SLC4A7: variants seen among roughly 807,000 people sequenced by gnomAD.
SLC4A7 encodes the protein sodium bicarbonate cotransporter 3.
SLC4A7 carries 51 observed loss-of-function variants against 137.6 expected under a neutral mutation model. That is an observed-to-expected ratio of 0.37 (90% CI 0.30 to 0.47). The LOEUF is 0.47. Ranked by LOEUF, SLC4A7 falls within the 20% of genes least tolerant of loss-of-function variation. The pLI, the probability that SLC4A7 is intolerant of heterozygous loss-of-function variation, is 1.00. For synonymous variants in SLC4A7, 542 were observed against 518.6 expected (o/e 1.05, Z -0.61); for missense variants, 1,247 against 1,525.4 (o/e 0.82, Z 3.04).
chr3:27,377,267 C>T (rs763160930), intron 25 of SLC4A7, among the ~76,000 whole-genome samples: 18 of 152,138 alleles, frequency 1.2e-4, no homozygotes, highest in Admixed American at 4.6e-4. Context: ...ATTTATAAAA[C>T]TTCTCACCCC....
At chr3:27,423,182 T>C (rs1457165362) in intron 8 of SLC4A7, among the ~76,000 whole-genome samples, 1 of 152,158 alleles carries the variant, frequency 6.6e-6, no homozygotes. Context: ...CCATTTAAAC[T>C]CCTTTTCTGT....
chr3:27,430,386 G>T (rs1012734148), intron 7 of SLC4A7, among the ~76,000 whole-genome samples: 2 of 151,812 alleles, frequency 1.3e-5, no homozygotes, highest in African/African-American at 4.8e-5. Context: ...ACTCTGGTAG[G>T]CCAAGGTGGG....
chr3:27,435,204 A>C (rs1005014512), intron 5 of SLC4A7, among the ~76,000 whole-genome samples: 2 of 152,202 alleles, frequency 1.3e-5, no homozygotes, highest in African/African-American at 4.8e-5. Flanking sequence ...GCAATCTACA[A>C]TGGTAGTCCC....
intron 12 of SLC4A7, among the ~76,000 whole-genome samples, chr3:27,411,001 C>G (rs2053849148): frequency 6.6e-6 from 1 of 152,006 alleles, no homozygotes; most frequent in Non-Finnish European, 1.5e-5. Context: ...CCATACTGAC[C>G]ACCAGTGGAC....
chr3:27,452,371 G>A (rs2058131834), intron 2 of SLC4A7, 46 bp downstream of exon 2: 3 of 1,230,748 alleles, frequency 2.4e-6, no homozygotes, highest in Admixed American at 2.3e-5. Context: ...ACATTAATTA[G>A]TAAATTATCC....
rs575692727 is a variant in SLC4A7 at position 27,379,536 on chromosome 3, GTAAGAT to G, written c.3591-186_3591-181del. The stretch of plus-strand genomic sequence containing the variant: ...TCTTTCTTTCTAATCGAAACTAGGA[GTAAGAT>G]TAAGATTAAGTAAGTTAGCAAGATT... On this transcript the variant is annotated intron_variant, in intron 24 of 25. Coordinates refer to ENST00000454389, the MANE Select transcript of SLC4A7 (RefSeq NM_001321103.2). Among the ~76,000 whole-genome samples the G allele has an allele frequency of 1.8e-3, 275 of 152,300 alleles. 4 individuals are homozygous for G. The South Asian group carries it at 0.019, about 10-fold the overall frequency.
chr3:27,423,820 G>C (rs1027601352), intron 8 of SLC4A7: 45 of 449,168 alleles, frequency 1.0e-4, no homozygotes, highest in African/African-American at 8.2e-4. Flanking sequence ...TCTAACACTA[G>C]TAATGGTGTA....
intron 8 of SLC4A7, chr3:27,422,798 C>T (rs936077399): frequency 1.5e-5 from 7 of 455,952 alleles, no homozygotes; most frequent in Non-Finnish European, 3.1e-5. Flanking sequence ...CTCTTGAGTC[C>T]CACACCCAGT....
chr3:27,372,935 T>A lies in SLC4A7; in HGVS notation c.*3829A>T, dbSNP rs2049656467. On this transcript the variant is annotated 3_prime_UTR_variant, in exon 26 of 26. Transcript: ENST00000454389. ...ATAGAAGAAAATATCATTGTAATTA[T>A]AAAAGCCATAAAAATTGGAACTGTA... 1 of 152,538 alleles carries A rather than the reference T, an allele frequency of 6.6e-6. No homozygotes were observed. The highest frequency in any genetic ancestry group is 2.4e-5 in the African/African-American group (1 of 41,432). 9.4% of individuals were successfully genotyped at this position (152,538 alleles called of 1,614,324 possible). A position where few individuals can be genotyped will look rare whatever the true frequency, so the allele number is the denominator to read the frequency against.
rs2049750487 is a variant in SLC4A7 at position 27,374,210 on chromosome 3, C to G, written c.*2554G>C. The G allele has an allele frequency of 1.3e-5, 2 of 152,390 alleles. No individual in the cohort carries two copies. The highest frequency in any genetic ancestry group is 2.1e-4 in the South Asian group (1 of 4,818). 9.4% of individuals were successfully genotyped at this position (152,390 alleles called of 1,614,324 possible). A position where few individuals can be genotyped will look rare whatever the true frequency, so the allele number is the denominator to read the frequency against. Reference sequence around the variant, plus strand: ...AAACTAGGGTGGAGAAAAGAATATCCTGAGGTGGCTCTGTGGCCAGGGTAT... The same window carrying G: ...AAACTAGGGTGGAGAAAAGAATATCGTGAGGTGGCTCTGTGGCCAGGGTAT... On this transcript the variant is annotated 3_prime_UTR_variant, in exon 26 of 26. Coordinates refer to ENST00000454389, the MANE Select transcript of SLC4A7 (RefSeq NM_001321103.2).
intron 15 of SLC4A7, among the ~76,000 whole-genome samples, chr3:27,402,684 G>C (rs2052897322): frequency 1.5e-5 from 2 of 130,824 alleles, no homozygotes; most frequent in Admixed American, 8.3e-5. Flanking sequence ...GGGCAACAGA[G>C]AGAGACTCCG....
intron 1 of SLC4A7, among the ~76,000 whole-genome samples, chr3:27,467,648 T>C (rs942100093): frequency 6.6e-6 from 1 of 152,198 alleles, no homozygotes; most frequent in Admixed American, 6.5e-5. Context: ...GCCAGTCCAC[T>C]CCTTTCACAC....
intron 1 of SLC4A7, among the ~76,000 whole-genome samples, chr3:27,470,618 C>A (rs1385465644): frequency 6.7e-6 from 1 of 148,350 alleles, no homozygotes; most frequent in African/African-American, 2.5e-5. Flanking sequence ...GTGGCTACCT[C>A]ATGGGCAGAG....
chr3:27,458,356 C>T (rs569552660), intron 1 of SLC4A7, among the ~76,000 whole-genome samples: 21 of 152,196 alleles, frequency 1.4e-4, no homozygotes, highest in African/African-American at 4.8e-4. Flanking sequence ...TCACTGATGA[C>T]GTGCACTAAA....
At chr3:27,405,956 G>A (rs536150273) in intron 13 of SLC4A7, among the ~76,000 whole-genome samples, 192 of 152,254 alleles carry the variant, frequency 1.3e-3, no homozygotes, top group African/African-American at 4.5e-3. Context: ...GAAAAAGGGG[G>A]AAAGAATCAG....
At chr3:27,439,832 AT>A (rs1559772337) in intron 3 of SLC4A7, among the ~76,000 whole-genome samples, 1 of 152,160 alleles carries the variant, frequency 6.6e-6, no homozygotes. Flanking sequence ...TAATTGTGAA[AT>A]GTGATGTTGA....
At chr3:27,386,079 TAAA>T in intron 22 of SLC4A7, 56 bp from the exon 23 acceptor site, 1 of 1,347,464 alleles carries the variant, frequency 7.4e-7, no homozygotes, top group South Asian at 1.4e-5. Flanking sequence ...CTGTATCACT[TAAA>T]GAGGAAAAGC....
chr3:27,437,504 C>G lies in SLC4A7; in HGVS notation c.312G>C (p.Gln104His), dbSNP rs747543199. Residue 104 changes from glutamine (Q) to histidine (H), a missense_variant, in exon 4 of 26, where the codon CAG becomes CAC. This residue lies in a region of SLC4A7 where 176 missense variants were observed against 186.4 expected (regional missense o/e 0.94). Coordinates refer to ENST00000454389, the MANE Select transcript of SLC4A7 (RefSeq NM_001321103.2). ...PSYDTPSQRV[Q>H]FILGTEDDDE... The stretch of plus-strand genomic sequence containing the variant: ...CATCATCTTCAGTACCAAGGATAAA[C>G]TGAACTCTCTGGGATGGTGTATCTT... The G allele has an allele frequency of 5.0e-6, 8 of 1,591,622 alleles. No homozygotes were observed. The African/African-American group carries it at 8.2e-5, about 16-fold the overall frequency.
chr3:27,389,478 A>G (rs1045286508), intron 22 of SLC4A7, among the ~76,000 whole-genome samples: 1 of 152,152 alleles, frequency 6.6e-6, no homozygotes, highest in African/African-American at 2.4e-5. Context: ...CTATTTGTAA[A>G]ATGCAATATT....
Sources: allele counts gnomAD v4.1 joint callset (sites outside exome capture counted in the v4.1 genomes callset), GRCh38; gene constraint gnomAD v4.1.1; regional missense constraint gnomAD v4.1.1; transcripts MANE v1.5; gene names NCBI Gene and HGNC (gene_info 2026-07-23, HGNC 2026-07-21).